NTRK3: variants seen among roughly 807,000 people sequenced by gnomAD.
The protein encoded by NTRK3 is neurotrophic receptor tyrosine kinase 3.
In NTRK3, 24 loss-of-function variants were observed where a neutral mutation model predicts 91.7. That is an observed-to-expected ratio of 0.26 (90% CI 0.19 to 0.37). The LOEUF is 0.37. Ranked by LOEUF, NTRK3 falls within the 10% of genes least tolerant of loss-of-function variation. NTRK3 has a pLI of 1.00. For synonymous variants in NTRK3, 483 were observed against 404.0 expected (o/e 1.20, Z -2.34); for missense variants, 880 against 1,068.9 (o/e 0.82, Z 2.46).
chr15:87,942,072 G>A (rs767453619), intron 14 of NTRK3, among the ~76,000 whole-genome samples: 3 of 152,236 alleles, frequency 2.0e-5, no homozygotes, highest in Non-Finnish European at 4.4e-5. Context: ...AAGCCTTGGG[G>A]TAGTGTTTTT....
At chr15:87,952,954 C>T (rs1462494868) in intron 14 of NTRK3, among the ~76,000 whole-genome samples, 1 of 152,134 alleles carries the variant, frequency 6.6e-6, no homozygotes, top group Non-Finnish European at 1.5e-5. Flanking sequence ...CACGCCGGCC[C>T]TCCGCGTGGG....
chr15:88,069,475 C>A (rs1239151848), intron 13 of NTRK3, among the ~76,000 whole-genome samples: 1 of 152,258 alleles, frequency 6.6e-6, no homozygotes, highest in Middle Eastern at 3.4e-3. Context: ...GATGATGCAG[C>A]GGTGTCAGGG....
intron 3 of NTRK3, chr15:88,210,052 G>C (rs141147381): frequency 6.6e-6 from 1 of 152,274 alleles, no homozygotes; most frequent in Admixed American, 6.5e-5. Context: ...ACATCCAGCT[G>C]TAAATACCCT....
intron 14 of NTRK3, among the ~76,000 whole-genome samples, chr15:87,964,663 C>G (rs6496459): frequency 0.21 from 32,668 of 152,054 alleles, 4,007 homozygotes; most frequent in African/African-American, 0.34. Context: ...CCAACCCCAG[C>G]CTTAGGCAGC....
At chr15:88,175,545 T>A (rs1395854808) in intron 5 of NTRK3, among the ~76,000 whole-genome samples, 1 of 152,232 alleles carries the variant, frequency 6.6e-6, no homozygotes, top group East Asian at 1.9e-4. Context: ...TGATCAATTT[T>A]AGAATCAAAT....
intron 3 of NTRK3, among the ~76,000 whole-genome samples, chr15:88,225,334 G>T (rs2050579990): frequency 6.6e-6 from 1 of 152,150 alleles, no homozygotes; most frequent in Admixed American, 6.5e-5. Context: ...GGGTGGAGGT[G>T]AGCAGGGGCT....
chr15:87,938,749 C>A (rs1003737110), intron 15 of NTRK3, among the ~76,000 whole-genome samples: 1 of 152,158 alleles, frequency 6.6e-6, no homozygotes, highest in Non-Finnish European at 1.5e-5. Context: ...TTAGTGTCAT[C>A]CTATATATTA....
intron 14 of NTRK3, among the ~76,000 whole-genome samples, chr15:87,973,502 G>T (rs2073435916): frequency 6.6e-6 from 1 of 152,192 alleles, no homozygotes; most frequent in Non-Finnish European, 1.5e-5. Context: ...GTCAGATCTA[G>T]GCTGAGGTTT....
intron 3 of NTRK3, among the ~76,000 whole-genome samples, chr15:88,214,387 C>G (rs1023696926): frequency 3.9e-5 from 6 of 152,268 alleles, no homozygotes; most frequent in Non-Finnish European, 8.8e-5. Flanking sequence ...CTTCACAAGG[C>G]CTTCCTCCCT....
intron 3 of NTRK3, among the ~76,000 whole-genome samples, chr15:88,239,679 G>A (rs1257480646): frequency 6.6e-6 from 1 of 152,134 alleles, no homozygotes; most frequent in Non-Finnish European, 1.5e-5. Context: ...AGAGAACCAA[G>A]CACCAGGACA....
At chr15:87,974,631 T>A (rs1200073475) in intron 14 of NTRK3, among the ~76,000 whole-genome samples, 1 of 152,078 alleles carries the variant, frequency 6.6e-6, no homozygotes, top group African/African-American at 2.4e-5. Context: ...TCCTCCCCAA[T>A]ATCAAAAAGG....
chr15:88,106,006 G>A (rs1386175435), intron 13 of NTRK3, among the ~76,000 whole-genome samples: 1 of 152,210 alleles, frequency 6.6e-6, no homozygotes, highest in South Asian at 2.1e-4. Flanking sequence ...ACTGCTTTCC[G>A]CTGCCTCCAT....
chr15:88,135,113 C>T (rs1205263292), exon 10 of NTRK3: 1 of 1,614,108 alleles, frequency 6.2e-7, no homozygotes, highest in East Asian at 2.2e-5. Context: ...GGAAAGGGCT[C>T]CTTGAGGAAG....
chr15:87,918,570 C>A (rs1336141241), intron 17 of NTRK3, among the ~76,000 whole-genome samples: 1 of 152,208 alleles, frequency 6.6e-6, no homozygotes, highest in Non-Finnish European at 1.5e-5. Flanking sequence ...CCATGCCATT[C>A]CTCTACTTAG....
intron 14 of NTRK3, among the ~76,000 whole-genome samples, chr15:88,022,068 G>A (rs961489333): frequency 1.3e-5 from 2 of 152,074 alleles, no homozygotes; most frequent in South Asian, 4.1e-4. Flanking sequence ...AAAAGCAAGT[G>A]ACTTATTTGA....
chr15:88,115,729 G>C (rs768037531), intron 13 of NTRK3, among the ~76,000 whole-genome samples: 8 of 152,098 alleles, frequency 5.3e-5, no homozygotes, highest in Non-Finnish European at 1.2e-4. Context: ...GGCAGGGCAG[G>C]CTTTCAGTGT....
At chr15:87,877,956 A>AATGC (rs2065029251) in intron 18 of NTRK3, among the ~76,000 whole-genome samples, 1 of 152,174 alleles carries the variant, frequency 6.6e-6, no homozygotes, top group South Asian at 2.1e-4. Flanking sequence ...GAAAACAAGT[A>AATGC]ATGCATGCCT....
In NTRK3 at chr15:88,233,281, G is replaced by T. The variant is rs907498608; in HGVS notation, c.248+22625C>A. Among the ~76,000 whole-genome samples the T allele has an allele frequency of 5.9e-5, 9 of 152,152 alleles. No individual in the cohort carries two copies. The highest frequency in any genetic ancestry group is 2.2e-4 in the African/African-American group (9 of 41,418). On this transcript the variant is annotated intron_variant, in intron 3 of 18. Transcript: ENST00000394480. The surrounding 1 kb of genome is among the most constrained non-coding windows in gnomAD (Gnocchi z 4.2). ...CAGTATCCAGGACTTCATTTGCAGAGATATTATAATGCAGATCACTTGTGA... is the reference window on the plus strand; with the variant it reads ...CAGTATCCAGGACTTCATTTGCAGATATATTATAATGCAGATCACTTGTGA...
intron 5 of NTRK3, among the ~76,000 whole-genome samples, chr15:88,156,388 A>G (rs16941343): frequency 0.34 from 51,974 of 152,050 alleles, 10,668 homozygotes; most frequent in African/African-American, 0.59. Flanking sequence ...ACTCCACCTC[A>G]GAATTCAAGT....
Sources: allele counts gnomAD v4.1 joint callset (sites outside exome capture counted in the v4.1 genomes callset), GRCh38; gene constraint gnomAD v4.1.1; non-coding constraint Gnocchi (gnomAD v3.1); transcripts MANE v1.5; gene names NCBI Gene and HGNC (gene_info 2026-07-23, HGNC 2026-07-21).